The following KDM4B variants were observed in gnomAD, a reference collection of about 807,000 sequenced individuals.
The protein encoded by KDM4B is lysine demethylase 4B, also known as lysine-specific demethylase 4B.
A neutral mutation model predicts 125.2 loss-of-function variants in KDM4B; 32 were observed. The observed-to-expected ratio is 0.26, with a 90% confidence interval of 0.19 to 0.34. The LOEUF (loss-of-function observed/expected upper bound fraction) is 0.34, where lower values mean the gene tolerates loss of function less well. KDM4B is among the 10% of genes least tolerant of loss of function. KDM4B has a pLI of 1.00. For synonymous variants in KDM4B, 721 were observed against 677.9 expected (o/e 1.06, Z -0.99); for missense variants, 1,190 against 1,577.7 (o/e 0.75, Z 4.16).
chr19:5,090,207 G>C (rs1251607756), intron 9 of KDM4B, among the ~76,000 whole-genome samples: 2 of 152,104 alleles, frequency 1.3e-5, no homozygotes, highest in African/African-American at 2.4e-5. Context: ...AGAGGTGAGA[G>C]TGCAGAGGAC....
intron 9 of KDM4B, among the ~76,000 whole-genome samples, chr19:5,083,753 A>C (rs2038379383): frequency 1.3e-5 from 2 of 152,166 alleles, no homozygotes; most frequent in African/African-American, 4.8e-5. Context: ...CTCGTGATGC[A>C]GCAGGACGGG....
chr19:5,093,774 C>G (rs2038761466), intron 9 of KDM4B, among the ~76,000 whole-genome samples: 1 of 152,182 alleles, frequency 6.6e-6, no homozygotes, highest in Non-Finnish European at 1.5e-5. Flanking sequence ...CCGCGCAGGT[C>G]ACTGTTCAGC....
At chr19:4,990,448 T>G (rs368261023) in intron 1 of KDM4B, among the ~76,000 whole-genome samples, 12 of 152,278 alleles carry the variant, frequency 7.9e-5, no homozygotes, top group African/African-American at 2.6e-4. Flanking sequence ...CTGGGGCAGG[T>G]GGCCTCTGGC....
chr19:5,054,500 G>A (rs948348467), intron 6 of KDM4B, among the ~76,000 whole-genome samples: 29 of 151,040 alleles, frequency 1.9e-4, no homozygotes, highest in African/African-American at 7.1e-4. Flanking sequence ...GCGCGCGCAT[G>A]CACATGCGTA....
intron 3 of KDM4B, among the ~76,000 whole-genome samples, chr19:5,036,849 G>A (rs2145642395): frequency 6.6e-6 from 1 of 152,376 alleles, no homozygotes; most frequent in East Asian, 1.9e-4. Flanking sequence ...CGCCCTGCGG[G>A]ATTTTCCCAG....
At chr19:5,092,091 A>G (rs951438878) in intron 9 of KDM4B, among the ~76,000 whole-genome samples, 1 of 152,226 alleles carries the variant, frequency 6.6e-6, no homozygotes, top group Non-Finnish European at 1.5e-5. Flanking sequence ...GGGCCGGGCC[A>G]GAATGAGTGG....
At position 5,090,310 on chromosome 19, in the gene KDM4B, G is replaced by A. The variant is rs939157200; in HGVS notation, c.918+7806G>A. Among the ~76,000 whole-genome samples the A allele has an allele frequency of 2.0e-5, 3 of 150,608 alleles. No homozygotes were observed. In the East Asian group the frequency reaches 5.9e-4, roughly 29 times the overall value. On this transcript the variant is annotated intron_variant, in intron 9 of 22. Coordinates refer to ENST00000159111, the MANE Select transcript of KDM4B (RefSeq NM_015015.3). ...TGCAGTACCCGGTTCGTTTTGAGAA[G>A]TCTCTTTCTCAGCTAGAGCTGTCTC...
chr19:5,050,445 C>T (rs925737573), intron 6 of KDM4B, among the ~76,000 whole-genome samples: 1 of 152,200 alleles, frequency 6.6e-6, no homozygotes, highest in African/African-American at 2.4e-5. Flanking sequence ...TCACCCAGGC[C>T]GGGGGGGCCG....
chr19:5,058,010 A>G (rs1293929192), intron 6 of KDM4B, among the ~76,000 whole-genome samples: 2 of 152,208 alleles, frequency 1.3e-5, no homozygotes, highest in Non-Finnish European at 2.9e-5. Flanking sequence ...TTAGGGGGCC[A>G]TGTCTGAGGG....
intron 2 of KDM4B, among the ~76,000 whole-genome samples, chr19:5,019,691 T>TTGGTGTGGGTGTTGGTGTGCAGGTGC (rs2036029337): frequency 7.5e-6 from 1 of 132,726 alleles, no homozygotes; most frequent in African/African-American, 2.9e-5. Flanking sequence ...TGTGCAGGTG[T>TTGGTGTGGGTGTTGGTGTGCAGGTGC]TGGTGTGGGT....
chr19:5,146,236 AC>A (rs35335372), intron 21 of KDM4B, among the ~76,000 whole-genome samples: 2 of 112,674 alleles, frequency 1.8e-5, no homozygotes, highest in African/African-American at 3.3e-5. Flanking sequence ...AGCATCCAGG[AC>A]CCCCCCCGCT....
At chr19:4,977,007 CCTGT>C (rs1360737247) in intron 1 of KDM4B, among the ~76,000 whole-genome samples, 4 of 152,092 alleles carry the variant, frequency 2.6e-5, no homozygotes, top group Non-Finnish European at 4.4e-5. Context: ...TCAAAAGTTG[CCTGT>C]CTTTTTTTCT....
At chr19:5,041,664 C>T (rs1324166256) in intron 5 of KDM4B, among the ~76,000 whole-genome samples, 1 of 152,244 alleles carries the variant, frequency 6.6e-6, no homozygotes, top group Non-Finnish European at 1.5e-5. Flanking sequence ...CCCGGAGACA[C>T]TGGGGTGAGG....
chr19:5,007,691 G>T (rs1466217674), intron 1 of KDM4B, among the ~76,000 whole-genome samples: 1 of 151,742 alleles, frequency 6.6e-6, no homozygotes, highest in Non-Finnish European at 1.5e-5. Context: ...GACTGCAGGT[G>T]TGCACCACAA....
chr19:4,975,255 C>A (rs1181658935), intron 1 of KDM4B, among the ~76,000 whole-genome samples: 3 of 152,176 alleles, frequency 2.0e-5, no homozygotes, highest in African/African-American at 7.2e-5. Flanking sequence ...AAGAAAGCTC[C>A]CGTGGGCGAG....
intron 6 of KDM4B, among the ~76,000 whole-genome samples, chr19:5,057,040 G>GTT (rs2037426139): frequency 7.4e-6 from 1 of 134,696 alleles, no homozygotes; most frequent in Admixed American, 7.3e-5. Context: ...GTGTGTGTGT[G>GTT]TGTGTGTGTG....
intron 9 of KDM4B, among the ~76,000 whole-genome samples, chr19:5,090,134 C>A (rs536679629): frequency 6.6e-6 from 1 of 152,156 alleles, no homozygotes; most frequent in Non-Finnish European, 1.5e-5. Flanking sequence ...GGAAGCCCAG[C>A]CCAGCATTGC....
rs532505232 is a variant in KDM4B, at chr19:5,089,285, C to T, written c.918+6781C>T. On this transcript the variant is annotated intron_variant, in intron 9 of 22. Transcript: ENST00000159111. ...AAACTGGGCAGCCTTTCTGGAAGGC[C>T]GTCTGCCATGGGTTACACATGTGTC... Among the ~76,000 whole-genome samples, 18 of 152,270 alleles carry T rather than the reference C, an allele frequency of 1.2e-4. No individual in the cohort carries two copies. The South Asian group carries it at 1.2e-3, about 11-fold the overall frequency.
intron 2 of KDM4B, among the ~76,000 whole-genome samples, chr19:5,026,899 T>G (rs954621707): frequency 2.6e-5 from 4 of 152,206 alleles, no homozygotes; most frequent in Admixed American, 2.0e-4. Flanking sequence ...CAGCATTAGC[T>G]ATTGTCTAGA....
Sources: gnomAD v4.1 joint callset for allele counts (sites outside exome capture counted in the v4.1 genomes callset) on GRCh38, gnomAD v4.1.1 for gene constraint, MANE v1.5 for transcripts, NCBI Gene and HGNC (gene_info 2026-07-23, HGNC 2026-07-21) for gene names.